The following AADACL2 variants were observed in gnomAD, a reference collection of about 807,000 sequenced individuals.
AADACL2 encodes the protein arylacetamide deacetylase-like 2.
A neutral mutation model predicts 22.3 loss-of-function variants in AADACL2; 23 were observed. The observed-to-expected ratio is 1.03, with a 90% CI of 0.74 to 1.46. The LOEUF is 1.46. AADACL2 is among the 40% of genes most tolerant of loss of function. The pLI is 0.00. For missense variants in AADACL2, 472 were observed against 482.9 expected, an observed-to-expected ratio of 0.98 and a Z score of 0.21; for synonymous variants, 177 against 166.2, an observed-to-expected ratio of 1.07 and a Z score of -0.50.
chr3:151,756,484 C>T (rs1173282700), intron 4 of AADACL2, among the ~76,000 whole-genome samples: 2 of 151,788 alleles, frequency 1.3e-5, no homozygotes, highest in African/African-American at 2.4e-5. Context: ...GTAATGTCCA[C>T]CTTGTTTCCA....
rs142088136 is a variant in AADACL2 at position 151,740,554 on chromosome 3, T to G, written c.139-92T>G. ...GTCTATTTCTTTTTGTTTACCTTGC[T>G]TATTTTTTCTTCCTTTTTAACTTTC... On this transcript the variant is annotated intron_variant, in intron 1 of 4. Coordinates refer to ENST00000356517, the MANE Select transcript of AADACL2 (RefSeq NM_207365.4). 3.5e-4 allele frequency: 294 copies of G among 834,220 alleles called. 2 individuals carry two copies. The East Asian group carries it at 8.0e-3, about 23-fold the overall frequency. The allele number at this position is 834,220 out of a possible 1,614,324, so 51.7% of individuals were successfully genotyped here. A position where few individuals can be genotyped will look rare whatever the true frequency, so the allele number is the denominator to read the frequency against.
chr3:151,735,886 A>T (rs911730174), intron 1 of AADACL2, among the ~76,000 whole-genome samples: 5 of 152,234 alleles, frequency 3.3e-5, no homozygotes, highest in African/African-American at 1.2e-4. Context: ...TGTGTTATTA[A>T]CCATGTAATA....
At position 151,746,752 on chromosome 3, in the gene AADACL2, T is replaced by G. The variant is rs188805560; in HGVS notation, c.603+1072T>G. Reference sequence around the variant, plus strand: ...TGTGGTAAATTATGCCAATTGACTTTTAAATGTTAAATTATGCTTACATTC... The same window carrying G: ...TGTGGTAAATTATGCCAATTGACTTGTAAATGTTAAATTATGCTTACATTC... On this transcript the variant is annotated intron_variant, in intron 4 of 4. Transcript: ENST00000356517. Among the ~76,000 whole-genome samples, 93 of 152,286 alleles carry G rather than the reference T, an allele frequency of 6.1e-4. 1 individual carries two copies. The highest frequency in any genetic ancestry group is 1.9e-3 in the African/African-American group (81 of 41,584).
Position 151,757,687 on chromosome 3 carries a change from C to A in AADACL2, c.*93C>A. 2 of 1,429,260 alleles carry A rather than the reference C, an allele frequency of 1.4e-6. No homozygotes were observed. Among genetic ancestry groups the A allele is most frequent in the Admixed American group, 4.6e-5 (2 of 43,724 alleles). 88.5% of individuals were successfully genotyped at this position (1,429,260 alleles called of 1,614,324 possible). On this transcript the variant is annotated 3_prime_UTR_variant, in exon 5 of 5. Transcript: ENST00000356517. The stretch of plus-strand genomic sequence containing the variant: ...CAAAGAACAATGTCATTTGAGTTAT[C>A]TAAATCTACATTTGCAACATTTGTA...
At chr3:151,749,703 G>A (rs1040041591) in intron 4 of AADACL2, among the ~76,000 whole-genome samples, 5 of 151,968 alleles carry the variant, frequency 3.3e-5, no homozygotes, top group Admixed American at 6.6e-5. Flanking sequence ...GGATGGTCTC[G>A]ATCTCCTGAC....
chr3:151,734,032 T>C lies in AADACL2; in HGVS notation c.-4T>C, dbSNP rs1313291700. 3 of 1,604,754 alleles carry C rather than the reference T, an allele frequency of 1.9e-6. No homozygotes were observed. In the Admixed American group the frequency reaches 5.1e-5, roughly 27 times the overall value. ...ACTGTGAAGAAGCTGGAAAAAGGGA[T>C]ATTATGGGGCTAAAAGCTCTCTGTT... On this transcript the variant is annotated 5_prime_UTR_variant, in exon 1 of 5. Coordinates refer to ENST00000356517, the MANE Select transcript of AADACL2 (RefSeq NM_207365.4).
chr3:151,754,556 T>C (rs1049786289), intron 4 of AADACL2, among the ~76,000 whole-genome samples: 2 of 152,128 alleles, frequency 1.3e-5, no homozygotes, highest in Non-Finnish European at 1.5e-5. Flanking sequence ...AAATGCATAC[T>C]ATCCATTGTG....
rs752874155 is a variant in AADACL2, at chr3:151,740,847, G to A, written c.340G>A (p.Gly114Ser). 2.5e-6 allele frequency: 4 copies of A among 1,613,726 alleles called. No individual in the cohort carries two copies. The South Asian group carries it at 3.3e-5, about 13-fold the overall frequency. Residue 114 changes from glycine to serine, a missense_variant, in exon 2 of 5, where the codon GGT becomes AGT. Physicochemically the swap from Gly to Ser is moderately conservative, Grantham distance 56. Coordinates refer to ENST00000356517, the MANE Select transcript of AADACL2 (RefSeq NM_207365.4). Reference protein sequence around the residue: ...RRAVIYFHGGGFCFGSSKQRA... With the variant: ...RRAVIYFHGGSFCFGSSKQRA... ...AGCTGTGATATATTTTCATGGTGGTGGTTTTTGTTTTGGAAGTTCCAGTAA... is the reference window on the plus strand; with the variant it reads ...AGCTGTGATATATTTTCATGGTGGTAGTTTTTGTTTTGGAAGTTCCAGTAA...
Position 151,758,334 on chromosome 3 carries a change from G to C in AADACL2, c.*740G>C, listed in dbSNP as rs1714026549. 6.6e-6 allele frequency: 1 copy of C among 151,428 alleles called. No individual in the cohort carries two copies. The highest frequency in any genetic ancestry group is 2.5e-5 in the African/African-American group (1 of 40,814). 9.4% of individuals were successfully genotyped at this position (151,428 alleles called of 1,614,324 possible). A position where few individuals can be genotyped will look rare whatever the true frequency, so the allele number is the denominator to read the frequency against. On this transcript the variant is annotated 3_prime_UTR_variant, in exon 5 of 5. Coordinates refer to ENST00000356517, the MANE Select transcript of AADACL2 (RefSeq NM_207365.4). ...CTCTGCCTGTGTCTAATCTCCCTAT[G>C]GGCTTCTCTTAGAAAAACACATGTG...
intron 4 of AADACL2, among the ~76,000 whole-genome samples, chr3:151,754,096 C>T (rs751915718): frequency 6.6e-6 from 1 of 152,070 alleles, no homozygotes; most frequent in Non-Finnish European, 1.5e-5. Flanking sequence ...TAAAATGACA[C>T]AGGGCATGAA....
intron 1 of AADACL2, among the ~76,000 whole-genome samples, chr3:151,734,624 C>G (rs1454470896): frequency 1.3e-5 from 2 of 152,028 alleles, no homozygotes; most frequent in Non-Finnish European, 2.9e-5. Context: ...ATCTTCAATT[C>G]TAAATTGCTG....
intron 3 of AADACL2, 39 bp downstream of exon 3, chr3:151,744,201 T>C (rs1213731865): frequency 6.2e-7 from 1 of 1,604,198 alleles, no homozygotes; most frequent in South Asian, 1.1e-5. Flanking sequence ...GATTTTTGCC[T>C]TTACCATGTA....
In AADACL2 at chr3:151,740,814, C is replaced by T. The variant is rs151302423; in HGVS notation, c.307C>T (p.Arg103Ter). The change falls in exon 2 of 5, where the codon CGA (arginine) becomes TGA (stop). Residue 103 changes from arginine to a stop codon, truncating the protein, a stop_gained. Coordinates refer to ENST00000356517, the MANE Select transcript of AADACL2 (RefSeq NM_207365.4). LOFTEE classifies it high-confidence loss of function. ...LYLPKRKSET[R>*]RRAVIYFHGG... Reference sequence around the variant, plus strand: ...CTTGCCAAAAAGAAAGTCAGAAACCCGAAGGCGAGCTGTGATATATTTTCA... The same window carrying T: ...CTTGCCAAAAAGAAAGTCAGAAACCTGAAGGCGAGCTGTGATATATTTTCA... The T allele has an allele frequency of 1.4e-4, 234 of 1,613,852 alleles. No individual in the cohort carries two copies. Among genetic ancestry groups the T allele is most frequent in the South Asian group, 7.4e-4 (67 of 91,060 alleles).
In AADACL2 at chr3:151,755,535, A is replaced by G. The variant is rs79755356; in HGVS notation, c.604-1457A>G. 5.1e-3 allele frequency among the ~76,000 whole-genome samples: 779 copies of G among 152,278 alleles called. 7 individuals carry two copies. Among genetic ancestry groups the G allele is most frequent in the African/African-American group, 0.018 (756 of 41,558 alleles). On this transcript the variant is annotated intron_variant, in intron 4 of 4. Transcript: ENST00000356517. Reference sequence around the variant, plus strand: ...TGTTAAGACTATGGCAAAATTGCCAACCTCGGAGAATCTGACTCAGGTGCT... The same window carrying G: ...TGTTAAGACTATGGCAAAATTGCCAGCCTCGGAGAATCTGACTCAGGTGCT...
At chr3:151,741,746 A>G (rs1713284316) in intron 2 of AADACL2, among the ~76,000 whole-genome samples, 1 of 152,172 alleles carries the variant, frequency 6.6e-6, no homozygotes, top group South Asian at 2.1e-4. Context: ...CCAAGTGTTC[A>G]TATACATATT....
chr3:151,741,861 T>C (rs1183460770), intron 2 of AADACL2, among the ~76,000 whole-genome samples: 1 of 152,150 alleles, frequency 6.6e-6, no homozygotes, highest in African/African-American at 2.4e-5. Flanking sequence ...TTATATCTCT[T>C]TTTACTGACA....
chr3:151,750,236 T>C (rs896631386), intron 4 of AADACL2, among the ~76,000 whole-genome samples: 3 of 152,182 alleles, frequency 2.0e-5, no homozygotes, highest in African/African-American at 7.2e-5. Flanking sequence ...TTGCTAGTAT[T>C]TTGCTTATAA....
chr3:151,744,312 A>T, intron 3 of AADACL2, 150 bp downstream of exon 3: 1 of 672,304 alleles, frequency 1.5e-6, no homozygotes, highest in Non-Finnish European at 2.4e-6. Context: ...CTCCTCAAAG[A>T]GGTTCAGTGT....
At chr3:151,742,962 T>C (rs892259559) in intron 2 of AADACL2, among the ~76,000 whole-genome samples, 2 of 152,122 alleles carry the variant, frequency 1.3e-5, no homozygotes, top group African/African-American at 2.4e-5. Context: ...GAGCACACTT[T>C]TGTTTTACAT....
Sources: gnomAD v4.1 joint callset for allele counts (sites outside exome capture counted in the v4.1 genomes callset) on GRCh38, gnomAD v4.1.1 for gene constraint, MANE v1.5 for transcripts, NCBI Gene and HGNC (gene_info 2026-07-23, HGNC 2026-07-21) for gene names.